The following GPC5 variants were observed in gnomAD, a reference collection of about 807,000 sequenced individuals.
GPC5 encodes glypican-5.
In GPC5, 47 loss-of-function variants were observed where a neutral mutation model predicts 53.9. The observed-to-expected ratio is 0.87, with a 90% CI of 0.69 to 1.11. GPC5 has a LOEUF of 1.11. GPC5 is among the 50% of genes most tolerant of loss of function. GPC5 has a pLI of 0.00. For synonymous variants in GPC5, 286 were observed against 263.3 expected (o/e 1.09, Z -0.84); for missense variants, 748 against 713.1 (o/e 1.05, Z -0.56).
chr13:92,307,823 G>C (rs561297504), intron 7 of GPC5, among the ~76,000 whole-genome samples: 2 of 152,334 alleles, frequency 1.3e-5, no homozygotes, highest in East Asian at 3.9e-4. Flanking sequence ...TCATATTACA[G>C]ATGTGACTAT....
chr13:92,049,199 C>A (rs562667988), intron 6 of GPC5, among the ~76,000 whole-genome samples: 1 of 152,204 alleles, frequency 6.6e-6, no homozygotes, highest in East Asian at 1.9e-4. Context: ...TTGGGATAAT[C>A]TGATCAAAAC....
chr13:91,637,443 A>G (rs2034312290), intron 2 of GPC5, among the ~76,000 whole-genome samples: 1 of 152,206 alleles, frequency 6.6e-6, no homozygotes, highest in Admixed American at 6.5e-5. Flanking sequence ...CCCAGGCAAC[A>G]GTGGATCTTT....
intron 6 of GPC5, among the ~76,000 whole-genome samples, chr13:91,928,384 C>T (rs2039788996): frequency 6.6e-6 from 1 of 152,156 alleles, no homozygotes; most frequent in Non-Finnish European, 1.5e-5. Context: ...CTCTATATGA[C>T]TCCATAAAGT....
chr13:92,132,619 G>A (rs557302980), intron 6 of GPC5, among the ~76,000 whole-genome samples: 3 of 152,076 alleles, frequency 2.0e-5, no homozygotes, highest in Non-Finnish European at 2.9e-5. Flanking sequence ...CCCTCTGTGC[G>A]TATTCCTCTG....
chr13:92,193,033 G>T (rs1269088686), intron 7 of GPC5, among the ~76,000 whole-genome samples: 1 of 152,066 alleles, frequency 6.6e-6, no homozygotes, highest in Non-Finnish European at 1.5e-5. Context: ...AAATTAGCTG[G>T]GTGTGTTGGC....
At chr13:91,601,362 A>G (rs1013235608) in intron 2 of GPC5, among the ~76,000 whole-genome samples, 2 of 152,138 alleles carry the variant, frequency 1.3e-5, no homozygotes, top group Admixed American at 6.5e-5. Flanking sequence ...AATATCTGAT[A>G]TTGTTAGACA....
At chr13:92,569,024 C>T (rs1262555094) in intron 7 of GPC5, among the ~76,000 whole-genome samples, 1 of 149,966 alleles carries the variant, frequency 6.7e-6, no homozygotes, top group Non-Finnish European at 1.5e-5. Flanking sequence ...TGTGCTGCAC[C>T]CATTAACTCG....
At chr13:92,206,390 C>T (rs1009408681) in intron 7 of GPC5, among the ~76,000 whole-genome samples, 1 of 151,390 alleles carries the variant, frequency 6.6e-6, no homozygotes, top group Non-Finnish European at 1.5e-5. Context: ...TGGTCTCGAT[C>T]TCCTGACCTC....
intron 7 of GPC5, among the ~76,000 whole-genome samples, chr13:92,221,438 G>A (rs1014364806): frequency 6.6e-6 from 1 of 152,014 alleles, no homozygotes; most frequent in African/African-American, 2.4e-5. Context: ...TATTAGTTTG[G>A]GCTCTGGCAT....
At chr13:92,826,088 G>A (rs2061190434) in intron 7 of GPC5, among the ~76,000 whole-genome samples, 1 of 152,096 alleles carries the variant, frequency 6.6e-6, no homozygotes, top group Admixed American at 6.6e-5. Context: ...ATGCCGTTGT[G>A]TAAATCTCTT....
intron 7 of GPC5, among the ~76,000 whole-genome samples, chr13:92,370,225 TC>T (rs1280338831): frequency 6.6e-6 from 1 of 152,198 alleles, no homozygotes; most frequent in African/African-American, 2.4e-5. Flanking sequence ...TTTTTCCTAG[TC>T]CGTTGTGACA....
intron 7 of GPC5, among the ~76,000 whole-genome samples, chr13:92,739,862 C>CAAACA (rs1566393799): frequency 6.6e-6 from 1 of 151,862 alleles, no homozygotes. Context: ...ACAAAACAAA[C>CAAACA]AAAAAAACAC....
At chr13:91,652,269 C>A (rs1183054977) in intron 2 of GPC5, among the ~76,000 whole-genome samples, 7 of 150,382 alleles carry the variant, frequency 4.7e-5, no homozygotes, top group Non-Finnish European at 7.4e-5. Context: ...GGTGCACAAG[C>A]AAAACTGGCA....
intron 6 of GPC5, among the ~76,000 whole-genome samples, chr13:92,112,564 AAG>A (rs1184624195): frequency 6.6e-6 from 1 of 152,124 alleles, no homozygotes; most frequent in Admixed American, 6.6e-5. Flanking sequence ...AGCTTAGAGA[AAG>A]AAATTCAGTC....
chr13:91,840,372 T>G (rs1307980742), intron 5 of GPC5, among the ~76,000 whole-genome samples: 9 of 152,102 alleles, frequency 5.9e-5, no homozygotes, highest in Non-Finnish European at 1.2e-4. Context: ...AAAGTATATG[T>G]GGATGATGTA....
Position 91,476,355 on chromosome 13 carries a change from G to A in GPC5, c.325+27433G>A, listed in dbSNP as rs539201105. 4.6e-5 allele frequency among the ~76,000 whole-genome samples: 7 copies of A among 152,240 alleles called. No individual in the cohort carries two copies. In the East Asian group the frequency reaches 1.2e-3, roughly 25 times the overall value. On this transcript the variant is annotated intron_variant, in intron 2 of 7. Coordinates refer to ENST00000377067, the MANE Select transcript of GPC5 (RefSeq NM_004466.6). ...TTCATTTTAATAGTGGAGAAAATGA[G>A]ACTCAGAAAGGCTACTTCACCCAGT...
At chr13:91,527,467 G>A (rs1886140843) in intron 2 of GPC5, among the ~76,000 whole-genome samples, 1 of 152,264 alleles carries the variant, frequency 6.6e-6, no homozygotes, top group Non-Finnish European at 1.5e-5. Context: ...CTCTGCCCTT[G>A]TGGCTCTGGT....
chr13:92,618,277 A>G (rs1463323872), intron 7 of GPC5, among the ~76,000 whole-genome samples: 1 of 152,134 alleles, frequency 6.6e-6, no homozygotes. Context: ...TTTTCCTACA[A>G]TTGGTTGTCA....
intron 6 of GPC5, among the ~76,000 whole-genome samples, chr13:91,910,324 A>T (rs1021882924): frequency 4.6e-5 from 7 of 152,182 alleles, no homozygotes; most frequent in Non-Finnish European, 1.0e-4. Flanking sequence ...CTATGAAAGG[A>T]TTCAGAAAAT....
Sources: gnomAD v4.1 joint callset for allele counts (sites outside exome capture counted in the v4.1 genomes callset) on GRCh38, gnomAD v4.1.1 for gene constraint, MANE v1.5 for transcripts, NCBI Gene and HGNC (gene_info 2026-07-23, HGNC 2026-07-21) for gene names.